Variants in STK24 observed in about 807,000 individuals in gnomAD.
The protein encoded by STK24 is serine/threonine kinase 24, also known as serine/threonine-protein kinase 24.
In STK24, 21 loss-of-function variants were observed where a neutral mutation model predicts 55.6. That is an observed-to-expected ratio of 0.38 (90% confidence interval 0.27 to 0.54). The LOEUF is 0.54. Ranked by LOEUF, STK24 falls within the 20% of genes least tolerant of loss-of-function variation. The pLI is 0.79. For missense variants in STK24, 383 were observed against 538.4 expected (o/e 0.71, Z 2.86); for synonymous variants, 200 against 215.2 (o/e 0.93, Z 0.62).
chr13:98,456,750 C>T (rs1594568288), intron 10 of STK24: 4 of 353,190 alleles, frequency 1.1e-5, no homozygotes, highest in Non-Finnish European at 5.6e-6. Flanking sequence ...CACCTGCGCC[C>T]GCTCCCGCTG....
chr13:98,553,380 G>C (rs1459524360), intron 1 of STK24: 1 of 152,446 alleles, frequency 6.6e-6, no homozygotes, highest in Non-Finnish European at 1.5e-5. Context: ...TGCTGGCAGA[G>C]GTGGAAGGCC....
intron 1 of STK24, among the ~76,000 whole-genome samples, chr13:98,525,688 C>A (rs1343783939): frequency 6.6e-6 from 1 of 152,170 alleles, no homozygotes; most frequent in Non-Finnish European, 1.5e-5. Flanking sequence ...CCGAGCTCAC[C>A]GAGCCTCGAG....
At chr13:98,562,071 A>G (rs536295768) in intron 1 of STK24, among the ~76,000 whole-genome samples, 142 of 152,204 alleles carry the variant, frequency 9.3e-4, no homozygotes, top group African/African-American at 3.4e-3. Context: ...CATCATGAAA[A>G]CCATATGGAA....
intron 2 of STK24, among the ~76,000 whole-genome samples, chr13:98,485,620 G>A (rs535349403): frequency 6.6e-6 from 1 of 152,348 alleles, no homozygotes; most frequent in East Asian, 1.9e-4. Context: ...GTCTGCTTTG[G>A]CAAAGGGCTG....
chr13:98,488,884 A>G (rs540075067), intron 2 of STK24, among the ~76,000 whole-genome samples: 133 of 152,184 alleles, frequency 8.7e-4, no homozygotes, highest in Non-Finnish European at 1.7e-3. Flanking sequence ...CGAAACTGCA[A>G]CTCTGCTCTG....
intron 2 of STK24, among the ~76,000 whole-genome samples, chr13:98,505,656 A>G (rs1012891591): frequency 1.3e-5 from 2 of 152,250 alleles, no homozygotes; most frequent in African/African-American, 2.4e-5. Context: ...TGCAACAATG[A>G]TTGGTCTCTT....
intron 1 of STK24, among the ~76,000 whole-genome samples, chr13:98,533,100 C>T (rs1896624730): frequency 6.6e-6 from 1 of 152,266 alleles, no homozygotes; most frequent in South Asian, 2.1e-4. Flanking sequence ...GTTTTCAGGC[C>T]GGGTGTGGTG....
intron 1 of STK24, among the ~76,000 whole-genome samples, chr13:98,552,442 G>A (rs376017349): frequency 2.0e-4 from 30 of 152,246 alleles, no homozygotes; most frequent in African/African-American, 6.5e-4. Context: ...CTAAGCCGGC[G>A]GAGGTCTTCT....
intron 1 of STK24, among the ~76,000 whole-genome samples, chr13:98,528,555 T>TACAAC (rs913499271): frequency 6.6e-6 from 1 of 152,162 alleles, no homozygotes; most frequent in East Asian, 1.9e-4. Flanking sequence ...CATTCCACAA[T>TACAAC]ACAACACAAC....
rs1160864403 is a variant in STK24, at chr13:98,446,657, C to G, written c.*6516G>C. The G allele has an allele frequency of 1.9e-6, 3 of 1,613,760 alleles. No homozygotes were observed. The highest frequency in any genetic ancestry group is 2.5e-6 in the Non-Finnish European group (3 of 1,179,818). On this transcript the variant is annotated 3_prime_UTR_variant, in exon 11 of 11. Coordinates refer to ENST00000539966, the MANE Select transcript of STK24 (RefSeq NM_001032296.4). Reference sequence around the variant, plus strand: ...CGAAAAGCCACTTTGCTTTGTTTCCCCTTTCCAGGACAATCATCCCCTTGC... The same window carrying G: ...CGAAAAGCCACTTTGCTTTGTTTCCGCTTTCCAGGACAATCATCCCCTTGC...
chr13:98,453,346 G>T, intron 10 of STK24, 137 bp from the exon 11 acceptor site: 4 of 837,506 alleles, frequency 4.8e-6, no homozygotes, highest in Non-Finnish European at 7.5e-6. Context: ...ATATCAATGT[G>T]TAAGTCTAAT....
At chr13:98,485,809 C>G (rs758315499) in intron 2 of STK24, among the ~76,000 whole-genome samples, 4 of 152,216 alleles carry the variant, frequency 2.6e-5, no homozygotes, top group Non-Finnish European at 4.4e-5. Context: ...CGCTGAAGGT[C>G]GGCCCGGGGG....
chr13:98,545,716 G>T (rs1344505903), intron 1 of STK24, among the ~76,000 whole-genome samples: 1 of 151,174 alleles, frequency 6.6e-6, no homozygotes. Flanking sequence ...TCAGTGATTA[G>T]ACAACTCAAA....
At chr13:98,459,941 T>C (rs550878206) in intron 9 of STK24, among the ~76,000 whole-genome samples, 1 of 152,300 alleles carries the variant, frequency 6.6e-6, no homozygotes, top group African/African-American at 2.4e-5. Context: ...AGCACAGCAC[T>C]GCTGAGCAGA....
chr13:98,519,441 T>C lies in STK24; in HGVS notation c.75A>G (p.Thr25=), dbSNP rs1412950224. Residue 25 remains threonine (T), a synonymous_variant, in exon 2 of 11, where the codon ACA becomes ACG. Transcript: ENST00000539966. ...NLKADPEELF[T]KLEKIGKGSF... ...AGCCCTTCCCAATTTTCTCTAGTTT[T>C]GTAAAAAGCTCTTCTGGGTCTGCCT... The C allele has an allele frequency of 6.2e-7, 1 of 1,614,130 alleles. No individual in the cohort carries two copies. The highest frequency in any genetic ancestry group is 1.3e-5 in the African/African-American group (1 of 74,944).
At chr13:98,522,050 G>A in intron 1 of STK24, 2 of 1,400,354 alleles carry the variant, frequency 1.4e-6, no homozygotes, top group Non-Finnish European at 9.3e-7. Context: ...AAGTCATCTG[G>A]ACCTGCCCGG....
At chr13:98,478,981 G>A (rs1894487204) in intron 3 of STK24, among the ~76,000 whole-genome samples, 1 of 152,176 alleles carries the variant, frequency 6.6e-6, no homozygotes, top group South Asian at 2.1e-4. Flanking sequence ...CCAAGAGCAG[G>A]ACTTTCCGCT....
chr13:98,548,049 C>T (rs1320482884), intron 1 of STK24, among the ~76,000 whole-genome samples: 1 of 152,174 alleles, frequency 6.6e-6, no homozygotes, highest in Non-Finnish European at 1.5e-5. Context: ...GAGGAGCTGA[C>T]ACCACATGAA....
intron 1 of STK24, among the ~76,000 whole-genome samples, chr13:98,534,441 G>GT (rs762224423): frequency 6.6e-6 from 1 of 152,154 alleles, no homozygotes; most frequent in Non-Finnish European, 1.5e-5. Flanking sequence ...AACAAAAATG[G>GT]TAATAGCCCT....
Sources: allele counts gnomAD v4.1 joint callset (sites outside exome capture counted in the v4.1 genomes callset), GRCh38; gene constraint gnomAD v4.1.1; transcripts MANE v1.5; gene names NCBI Gene and HGNC (gene_info 2026-07-23, HGNC 2026-07-21).